TMEM116: variants seen among roughly 807,000 people sequenced by gnomAD.
The protein encoded by TMEM116 is transmembrane protein 116.
In TMEM116, 38 loss-of-function variants were observed where a neutral mutation model predicts 44.3. The observed-to-expected ratio is 0.86, with a 90% CI of 0.66 to 1.12. The LOEUF (loss-of-function observed/expected upper bound fraction) is 1.12, where lower values mean the gene tolerates loss of function less well. Among genes scored for constraint, TMEM116 ranks in the 50% most tolerant of loss-of-function variants. The pLI is 0.00. For missense variants in TMEM116, 354 were observed against 401.7 expected, an observed-to-expected ratio of 0.88 and a Z score of 1.01; for synonymous variants, 132 against 144.8, an observed-to-expected ratio of 0.91 and a Z score of 0.64.
chr12:112,008,192 G>GA (rs1293087122), intron 1 of TMEM116, among the ~76,000 whole-genome samples: 2 of 151,630 alleles, frequency 1.3e-5, no homozygotes, highest in Non-Finnish European at 1.5e-5. Flanking sequence ...GTGTTAAAAA[G>GA]AAAAAAAAGG....
intron 4 of TMEM116, among the ~76,000 whole-genome samples, chr12:111,981,663 C>G (rs1035337414): frequency 2.0e-5 from 3 of 152,120 alleles, no homozygotes; most frequent in Non-Finnish European, 4.4e-5. Context: ...AAAGGTCAAA[C>G]AGCAGAGAGA....
At chr12:111,956,566 C>G (rs537059829) in intron 4 of TMEM116, among the ~76,000 whole-genome samples, 15 of 152,316 alleles carry the variant, frequency 9.8e-5, no homozygotes, top group African/African-American at 2.9e-4. Flanking sequence ...AATGCCGAGC[C>G]GAGGCTGGAC....
intron 4 of TMEM116, among the ~76,000 whole-genome samples, chr12:111,970,147 G>A (rs1333878414): frequency 1.3e-5 from 2 of 151,504 alleles, no homozygotes. Flanking sequence ...AGATACTTGG[G>A]AGGTGCCTGT....
chr12:111,968,159 C>T (rs941437590), intron 4 of TMEM116, among the ~76,000 whole-genome samples: 6 of 152,010 alleles, frequency 3.9e-5, no homozygotes, highest in Admixed American at 1.3e-4. Flanking sequence ...TCTAAATAAA[C>T]GTCTCAAAGC....
At chr12:111,988,992 AAAAACAAAAAC>A (rs777618878) in intron 4 of TMEM116, among the ~76,000 whole-genome samples, 3 of 149,134 alleles carry the variant, frequency 2.0e-5, no homozygotes, top group Admixed American at 6.6e-5. Flanking sequence ...ACTCTGTCTC[AAAAACAAAAAC>A]AAAACAAAAA....
At chr12:112,000,812 A>G in intron 3 of TMEM116, 1 of 520,512 alleles carries the variant, frequency 1.9e-6, no homozygotes, top group South Asian at 1.4e-5. Flanking sequence ...CAGTTGTTAC[A>G]GATTGAATAC....
chr12:111,951,131 C>T (rs1210064339), intron 4 of TMEM116, among the ~76,000 whole-genome samples: 53 of 152,224 alleles, frequency 3.5e-4, no homozygotes, highest in Non-Finnish European at 1.5e-5. Flanking sequence ...CAATGAGATA[C>T]TATCTCACAC....
intron 4 of TMEM116, among the ~76,000 whole-genome samples, chr12:111,969,070 C>T (rs2075162159): frequency 1.3e-5 from 2 of 150,964 alleles, no homozygotes; most frequent in Non-Finnish European, 1.5e-5. Context: ...CCTGTAATCC[C>T]AGCACTTTGG....
intron 3 of TMEM116, chr12:111,994,012 C>T: frequency 3.5e-6 from 2 of 571,036 alleles, no homozygotes; most frequent in Admixed American, 4.1e-5. Context: ...CCCTTGCCCT[C>T]CCCCAAGATG....
intron 4 of TMEM116, among the ~76,000 whole-genome samples, chr12:111,984,396 TAGG>T (rs1471197742): frequency 2.0e-5 from 3 of 151,406 alleles, no homozygotes; most frequent in African/African-American, 7.3e-5. Flanking sequence ...ACATAAAGAG[TAGG>T]AGGATGGTAC....
intron 4 of TMEM116, among the ~76,000 whole-genome samples, chr12:111,988,199 A>G (rs1401334467): frequency 1.3e-5 from 2 of 152,218 alleles, no homozygotes; most frequent in African/African-American, 2.4e-5. Context: ...TTATTGTTTA[A>G]TGGTACACAG....
intron 4 of TMEM116, among the ~76,000 whole-genome samples, chr12:111,949,069 G>A (rs2073514017): frequency 6.6e-6 from 1 of 152,120 alleles, no homozygotes; most frequent in African/African-American, 2.4e-5. Context: ...AACTATGATT[G>A]CGCCACTGTG....
At chr12:111,988,970 C>A (rs2076389836) in intron 4 of TMEM116, among the ~76,000 whole-genome samples, 1 of 151,998 alleles carries the variant, frequency 6.6e-6, no homozygotes, top group Non-Finnish European at 1.5e-5. Flanking sequence ...CCAGCCTGGG[C>A]AATAGTGTGA....
At chr12:111,936,655 T>C in intron 8 of TMEM116, 37 bp downstream of exon 8, 1 of 1,599,530 alleles carries the variant, frequency 6.3e-7, no homozygotes, top group Non-Finnish European at 8.5e-7. Flanking sequence ...CTTCATTTCC[T>C]CATCTCTCCA....
At chr12:111,949,657 G>A (rs945864767) in intron 4 of TMEM116, among the ~76,000 whole-genome samples, 6 of 152,174 alleles carry the variant, frequency 3.9e-5, no homozygotes, top group African/African-American at 1.2e-4. Context: ...AAGAAAATCT[G>A]TAATACACCT....
rs770318114 is a variant in TMEM116, at chr12:111,931,710, A to G, written c.925T>C (p.Leu309=). The G allele has an allele frequency of 6.8e-6, 11 of 1,613,952 alleles. No homozygotes were observed. The highest frequency in any genetic ancestry group is 9.3e-6 in the Non-Finnish European group (11 of 1,179,990). The part of the protein sequence containing the change: ...RRDADTQTPL[L]CSQKRFYSRG... ...CTATAGAATCTCTTCTGTGAGCATA[A>G]TAATGGTGTCTGGGTATCTGCATCA... Residue 309 remains leucine, a synonymous_variant, in exon 11 of 11, where the codon TTA becomes CTA. Coordinates refer to ENST00000552374, the MANE Select transcript of TMEM116 (RefSeq NM_001193531.2).
At chr12:111,985,687 A>C (rs961552798) in intron 4 of TMEM116, among the ~76,000 whole-genome samples, 1 of 152,106 alleles carries the variant, frequency 6.6e-6, no homozygotes, top group Non-Finnish European at 1.5e-5. Context: ...TCCTGGGCTC[A>C]AGCAATTCTC....
intron 4 of TMEM116, among the ~76,000 whole-genome samples, chr12:111,943,681 C>A (rs538055144): frequency 6.6e-5 from 10 of 152,250 alleles, no homozygotes; most frequent in African/African-American, 2.4e-4. Context: ...ATTACAGACA[C>A]GTGCCACTAC....
chr12:111,955,685 T>C (rs1468483422), intron 4 of TMEM116, among the ~76,000 whole-genome samples: 1 of 152,218 alleles, frequency 6.6e-6, no homozygotes, highest in East Asian at 1.9e-4. Flanking sequence ...ATTACAGTCA[T>C]GCACTGCATA....
Sources: gnomAD v4.1 joint callset for allele counts (sites outside exome capture counted in the v4.1 genomes callset) on GRCh38, gnomAD v4.1.1 for gene constraint, MANE v1.5 for transcripts, NCBI Gene and HGNC (gene_info 2026-07-23, HGNC 2026-07-21) for gene names.